Variants in ADAMTS19 observed in about 807,000 individuals in gnomAD.
ADAMTS19 encodes A disintegrin and metalloproteinase with thrombospondin motifs 19.
ADAMTS19 carries 93 observed loss-of-function variants against 153.3 expected under a neutral mutation model. That is an observed-to-expected ratio of 0.61 (90% CI 0.51 to 0.72). ADAMTS19 has a LOEUF of 0.72. Ranked by LOEUF, ADAMTS19 falls within the 30% of genes least tolerant of loss-of-function variation. The pLI is 0.00. For synonymous variants in ADAMTS19, 600 were observed against 556.6 expected, an observed-to-expected ratio of 1.08 and a Z score of -1.10; for missense variants, 1,482 against 1,552.1, an observed-to-expected ratio of 0.95 and a Z score of 0.76.
intron 7 of ADAMTS19, among the ~76,000 whole-genome samples, chr5:129,562,614 TAGTC>T (rs1367874058): frequency 6.6e-6 from 1 of 152,140 alleles, no homozygotes; most frequent in Non-Finnish European, 1.5e-5. Flanking sequence ...TCAATGGGGA[TAGTC>T]AGTGTTTACG....
intron 10 of ADAMTS19, among the ~76,000 whole-genome samples, chr5:129,624,465 G>T (rs1751934065): frequency 1.3e-5 from 2 of 152,070 alleles, no homozygotes. Context: ...ACTTTTACAG[G>T]CTGAAGTTAC....
intron 16 of ADAMTS19, among the ~76,000 whole-genome samples, chr5:129,671,605 A>G (rs1175411583): frequency 1.3e-5 from 2 of 152,190 alleles, no homozygotes; most frequent in African/African-American, 4.8e-5. Context: ...ACATCAAACT[A>G]TATATTATTT....
intron 8 of ADAMTS19, among the ~76,000 whole-genome samples, chr5:129,618,523 A>T (rs891339772): frequency 1.3e-5 from 2 of 152,002 alleles, no homozygotes; most frequent in Admixed American, 6.6e-5. Flanking sequence ...CTTCAAAAAC[A>T]TATTTAATTT....
At chr5:129,660,374 G>A (rs1330365404) in intron 15 of ADAMTS19, among the ~76,000 whole-genome samples, 1 of 151,886 alleles carries the variant, frequency 6.6e-6, no homozygotes, top group Admixed American at 6.6e-5. Flanking sequence ...TGATTGTGAT[G>A]GCAGAAGTTT....
intron 3 of ADAMTS19, among the ~76,000 whole-genome samples, chr5:129,513,390 G>A (rs187619859): frequency 2.0e-5 from 3 of 151,796 alleles, no homozygotes; most frequent in Admixed American, 1.3e-4. Flanking sequence ...TAGCTACTTG[G>A]GAGCCTGAGG....
chr5:129,507,597 AG>A (rs1751306018), intron 2 of ADAMTS19, among the ~76,000 whole-genome samples: 1 of 151,834 alleles, frequency 6.6e-6, no homozygotes, highest in Non-Finnish European at 1.5e-5. Context: ...AGTATTTTAA[AG>A]GTTCATTAGA....
intron 8 of ADAMTS19, among the ~76,000 whole-genome samples, chr5:129,610,549 T>C (rs1163204292): frequency 1.3e-5 from 2 of 152,120 alleles, no homozygotes; most frequent in African/African-American, 2.4e-5. Context: ...GTTTGGTTTT[T>C]TGTCCTTGCG....
At chr5:129,532,658 A>AT (rs548515342) in intron 6 of ADAMTS19, among the ~76,000 whole-genome samples, 3 of 152,056 alleles carry the variant, frequency 2.0e-5, no homozygotes, top group Non-Finnish European at 2.9e-5. Context: ...AGCTTTCATA[A>AT]TTTTTTTTCA....
chr5:129,718,982 A>T (rs958029520), intron 21 of ADAMTS19, among the ~76,000 whole-genome samples: 1 of 152,150 alleles, frequency 6.6e-6, no homozygotes, highest in African/African-American at 2.4e-5. Flanking sequence ...TCCAAAATAT[A>T]TATCTTTGGC....
At chr5:129,652,967 C>A (rs1368735179) in intron 13 of ADAMTS19, among the ~76,000 whole-genome samples, 1 of 152,108 alleles carries the variant, frequency 6.6e-6, no homozygotes, top group Non-Finnish European at 1.5e-5. Context: ...ATAATGGCAT[C>A]TTAAAGGAAA....
intron 19 of ADAMTS19, among the ~76,000 whole-genome samples, chr5:129,699,881 G>C (rs1479918880): frequency 1.3e-5 from 2 of 152,126 alleles, no homozygotes; most frequent in Non-Finnish European, 2.9e-5. Context: ...AATATATCCT[G>C]AACCTATTGT....
chr5:129,681,633 T>C (rs1335577996), intron 17 of ADAMTS19, among the ~76,000 whole-genome samples: 2 of 152,166 alleles, frequency 1.3e-5, no homozygotes, highest in Non-Finnish European at 2.9e-5. Flanking sequence ...AACCTAGGTA[T>C]TAGTCACTCT....
chr5:129,568,405 A>G (rs1231770580), intron 7 of ADAMTS19, among the ~76,000 whole-genome samples: 1 of 152,146 alleles, frequency 6.6e-6, no homozygotes, highest in South Asian at 2.1e-4. Context: ...TTAAGCTTTC[A>G]ATATTCCATT....
At chr5:129,560,342 G>T (rs768958522) in intron 7 of ADAMTS19, among the ~76,000 whole-genome samples, 3 of 152,084 alleles carry the variant, frequency 2.0e-5, no homozygotes, top group Admixed American at 6.5e-5. Context: ...ATTGAGTTTA[G>T]TTATTTGTGT....
intron 16 of ADAMTS19, among the ~76,000 whole-genome samples, chr5:129,666,847 C>T (rs111480154): frequency 1.3e-5 from 2 of 152,112 alleles, no homozygotes; most frequent in African/African-American, 4.8e-5. Flanking sequence ...ATTACACTTG[C>T]ATGTATGTTT....
chr5:129,677,893 A>T (rs943191315), intron 16 of ADAMTS19, among the ~76,000 whole-genome samples: 1 of 151,722 alleles, frequency 6.6e-6, no homozygotes, highest in Non-Finnish European at 1.5e-5. Context: ...GCTCACTGCA[A>T]CCTCCACCTC....
At chr5:129,533,950 G>C (rs977301538) in intron 6 of ADAMTS19, among the ~76,000 whole-genome samples, 1 of 151,930 alleles carries the variant, frequency 6.6e-6, no homozygotes, top group Non-Finnish European at 1.5e-5. Context: ...ATTGCACTGT[G>C]GTCTGAGAGA....
rs201666318 is a variant in ADAMTS19 at position 129,665,979 on chromosome 5, GTA to G, written c.2506+413_2506+414del. ...TAATTGCATTTATAAATGAATTTAT[GTA>G]TATATATATATAAAATGATCGTTTC... On this transcript the variant is annotated intron_variant, in intron 16 of 22. Coordinates refer to ENST00000274487, the MANE Select transcript of ADAMTS19 (RefSeq NM_133638.6). Among the ~76,000 whole-genome samples the G allele has an allele frequency of 9.5e-3, 1,371 of 144,246 alleles. 24 individuals are homozygous for G. The highest frequency in any genetic ancestry group is 0.035 in the African/African-American group (1,299 of 37,240). The allele number at this position is 144,246 out of a possible 152,430, so 94.6% of individuals were successfully genotyped here. A position where few individuals can be genotyped will look rare whatever the true frequency, so the allele number is the denominator to read the frequency against.
At chr5:129,602,832 G>C (rs911923132) in intron 8 of ADAMTS19, among the ~76,000 whole-genome samples, 1 of 150,948 alleles carries the variant, frequency 6.6e-6, no homozygotes, top group African/African-American at 2.4e-5. Context: ...TTCTCTGTGT[G>C]TGTGTGTGTG....
Sources: gnomAD v4.1 joint callset for allele counts (sites outside exome capture counted in the v4.1 genomes callset) on GRCh38, gnomAD v4.1.1 for gene constraint, MANE v1.5 for transcripts, NCBI Gene and HGNC (gene_info 2026-07-23, HGNC 2026-07-21) for gene names.